The following ABI1 variants were observed in gnomAD, a reference collection of about 807,000 sequenced individuals.
The protein encoded by ABI1 is Abelson interactor 1.
In ABI1, 14 loss-of-function variants were observed where a neutral mutation model predicts 54.6. The observed-to-expected ratio is 0.26, with a 90% CI of 0.17 to 0.40. The LOEUF (loss-of-function observed/expected upper bound fraction) is 0.40, where lower values mean the gene tolerates loss of function less well. ABI1 is among the 10% of genes least tolerant of loss of function. ABI1 has a pLI of 1.00. For missense variants in ABI1, 443 were observed against 598.3 expected (o/e 0.74, Z 2.71); for synonymous variants, 194 against 209.3 (o/e 0.93, Z 0.63).
chr10:26,825,257 G>A (rs565131731), intron 1 of ABI1, among the ~76,000 whole-genome samples: 63 of 152,250 alleles, frequency 4.1e-4, no homozygotes, highest in African/African-American at 1.4e-3. Context: ...GTGTGGTGGC[G>A]GCTTGTACCT....
At chr10:26,797,790 C>CA (rs1488144082) in intron 2 of ABI1, among the ~76,000 whole-genome samples, 18 of 152,026 alleles carry the variant, frequency 1.2e-4, no homozygotes, top group African/African-American at 3.4e-4. Context: ...GTTTTAATCA[C>CA]AATTAACTGA....
chr10:26,826,752 T>C (rs1253629368), intron 1 of ABI1, among the ~76,000 whole-genome samples: 2 of 152,228 alleles, frequency 1.3e-5, no homozygotes, highest in Non-Finnish European at 2.9e-5. Flanking sequence ...TTTCACGTTA[T>C]AGAGATGGCT....
chr10:26,765,376 AC>A, intron 6 of ABI1, 58 bp from the exon 7 acceptor site: 1 of 1,243,892 alleles, frequency 8.0e-7, no homozygotes, highest in South Asian at 1.4e-5. Context: ...TTAAAAAAAA[AC>A]TGTAATCACC....
rs1837186946 is a variant in ABI1 at position 26,748,501 on chromosome 10, T to C, written c.*69A>G. ...CACATTTTAAAACATATTAAGACAG[T>C]TCTGTTAACCATAATAGTCCCACAG... is the stretch of plus-strand genomic sequence containing the variant. On this transcript the variant is annotated 3_prime_UTR_variant, in exon 11 of 11. Coordinates refer to ENST00000376140, the MANE Select transcript of ABI1 (RefSeq NM_001012750.3). 3 of 1,201,754 alleles carry C rather than the reference T, an allele frequency of 2.5e-6. No individual in the cohort carries two copies. The highest frequency in any genetic ancestry group is 3.5e-6 in the Non-Finnish European group (3 of 868,250). The allele number at this position is 1,201,754 out of a possible 1,614,324, so 74.4% of individuals were successfully genotyped here. A position where few individuals can be genotyped will look rare whatever the true frequency, so the allele number is the denominator to read the frequency against.
chr10:26,807,873 C>G (rs1322134309), intron 2 of ABI1, among the ~76,000 whole-genome samples: 1 of 152,190 alleles, frequency 6.6e-6, no homozygotes, highest in East Asian at 1.9e-4. Flanking sequence ...GGATGGATCA[C>G]TTGAGGTCAG....
rs148547569 is a variant in ABI1, at chr10:26,854,493, T to C, written c.117+6254A>G. Among the ~76,000 whole-genome samples, 401 of 151,558 alleles carry C rather than the reference T, an allele frequency of 2.6e-3. 1 individual carries two copies. The highest frequency in any genetic ancestry group is 9.5e-3 in the African/African-American group (393 of 41,306). On this transcript the variant is annotated intron_variant, in intron 1 of 10. Coordinates refer to ENST00000376140, the MANE Select transcript of ABI1 (RefSeq NM_001012750.3). ...AGAAAAGAAAAAAAAAGAACTGATA[T>C]GCTAGGTCAGATCCTGCTCTACCCA...
At chr10:26,799,134 T>C (rs1433283979) in intron 2 of ABI1, among the ~76,000 whole-genome samples, 2 of 152,176 alleles carry the variant, frequency 1.3e-5, no homozygotes, top group South Asian at 2.1e-4. Flanking sequence ...TCCAGTTATA[T>C]GATTTCTTAG....
At chr10:26,836,553 G>A (rs2049092393) in intron 1 of ABI1, among the ~76,000 whole-genome samples, 2 of 152,228 alleles carry the variant, frequency 1.3e-5, no homozygotes, top group Admixed American at 1.3e-4. Flanking sequence ...TGGATTATGA[G>A]TGATTTATGT....
chr10:26,805,815 C>T (rs899373), intron 2 of ABI1, among the ~76,000 whole-genome samples: 6,488 of 152,174 alleles, frequency 0.043, 331 homozygotes, highest in East Asian at 0.21. Flanking sequence ...TTCCAGCACC[C>T]AGCAGATACA....
chr10:26,787,405 C>T (rs1842839530), intron 2 of ABI1, among the ~76,000 whole-genome samples: 1 of 152,068 alleles, frequency 6.6e-6, no homozygotes, highest in South Asian at 2.1e-4. Context: ...TAAAATCATC[C>T]TTTTTTCACC....
chr10:26,816,306 T>C (rs1030904054), intron 2 of ABI1, among the ~76,000 whole-genome samples: 15 of 152,274 alleles, frequency 9.9e-5, no homozygotes, highest in African/African-American at 3.4e-4. Flanking sequence ...CATACAGGAA[T>C]GCTAACATTG....
chr10:26,824,648 ACTTCT>A (rs1340772393), intron 1 of ABI1, among the ~76,000 whole-genome samples: 1 of 152,136 alleles, frequency 6.6e-6, no homozygotes, highest in East Asian at 1.9e-4. Context: ...ATAATATGCT[ACTTCT>A]TAACAGAGGG....
chr10:26,757,238 A>G (rs1020403049), intron 8 of ABI1, among the ~76,000 whole-genome samples: 4 of 152,192 alleles, frequency 2.6e-5, no homozygotes, highest in African/African-American at 9.6e-5. Flanking sequence ...CACCAACAGT[A>G]ACTCAGATTG....
intron 7 of ABI1, among the ~76,000 whole-genome samples, chr10:26,761,640 A>G (rs1389189238): frequency 8.6e-6 from 1 of 115,862 alleles, no homozygotes; most frequent in South Asian, 2.9e-4. Context: ...ATATATATAT[A>G]TATATATATA....
Position 26,860,825 on chromosome 10 carries a change from C to T in ABI1, c.39G>A (p.Pro13=). 6.2e-7 allele frequency: 1 copy of T among 1,614,178 alleles called. No homozygotes were observed. Among genetic ancestry groups the T allele is most frequent in the South Asian group, 1.1e-5 (1 of 91,082 alleles). ...TCTCGATCAGCGCCCTCTTGCCAGA[C>T]GGGATCTCCTCCTCTAGTAACATCT... is the stretch of plus-strand genomic sequence containing the variant. ...ELQMLLEEEI[P]SGKRALIESY... The change falls in exon 1 of 11, where the codon CCG becomes CCA. Residue 13 remains proline, a synonymous_variant. Coordinates refer to ENST00000376140, the MANE Select transcript of ABI1 (RefSeq NM_001012750.3). The surrounding 1 kb of genome is among the most constrained non-coding windows in gnomAD (Gnocchi z 4.1).
chr10:26,792,719 T>C (rs1176020552), intron 2 of ABI1, among the ~76,000 whole-genome samples: 1 of 152,184 alleles, frequency 6.6e-6, no homozygotes. Context: ...TAAAAGCAAT[T>C]ATATTTAGAG....
chr10:26,829,082 C>A (rs1050677745), intron 1 of ABI1, among the ~76,000 whole-genome samples: 4 of 151,978 alleles, frequency 2.6e-5, no homozygotes, highest in African/African-American at 9.7e-5. Flanking sequence ...AAAAATTAGC[C>A]GGGCGCAGTG....
chr10:26,766,921 G>A (rs950860520), intron 6 of ABI1, among the ~76,000 whole-genome samples: 4 of 152,108 alleles, frequency 2.6e-5, no homozygotes, highest in Admixed American at 6.5e-5. Context: ...ATTCATTTAC[G>A]TATTGTCAAT....
At chr10:26,813,102 A>G (rs1008732042) in intron 2 of ABI1, among the ~76,000 whole-genome samples, 4 of 151,852 alleles carry the variant, frequency 2.6e-5, no homozygotes, top group African/African-American at 7.3e-5. Flanking sequence ...TACAAAAATG[A>G]CCTAGGTGTG....
Sources: allele counts gnomAD v4.1 joint callset (sites outside exome capture counted in the v4.1 genomes callset), GRCh38; gene constraint gnomAD v4.1.1; non-coding constraint Gnocchi (gnomAD v3.1); transcripts MANE v1.5; gene names NCBI Gene and HGNC (gene_info 2026-07-23, HGNC 2026-07-21).